MAP3K5: variants seen among roughly 807,000 people sequenced by gnomAD.
The protein encoded by MAP3K5 is mitogen-activated protein kinase kinase kinase 5, also known as ASK-1.
In MAP3K5, 56 loss-of-function variants were observed where a neutral mutation model predicts 158.7. The ratio of observed to expected loss-of-function variants is 0.35; its 90% CI spans 0.28 to 0.44. The LOEUF (loss-of-function observed/expected upper bound fraction) is 0.44. Among genes scored for constraint, MAP3K5 ranks in the 20% least tolerant of loss-of-function variants. MAP3K5 has a pLI of 1.00. For synonymous variants in MAP3K5, 579 were observed against 601.7 expected, an observed-to-expected ratio of 0.96 and a Z score of 0.55; for missense variants, 1,294 against 1,674.8, an observed-to-expected ratio of 0.77 and a Z score of 3.97.
chr6:136,636,769 C>A (rs1777656834), intron 14 of MAP3K5: 1 of 919,796 alleles, frequency 1.1e-6, no homozygotes, highest in Non-Finnish European at 1.3e-6. Flanking sequence ...ATAACGAGAA[C>A]AAGTCTCTAT....
chr6:136,790,237 A>C (rs1220580348), intron 1 of MAP3K5, among the ~76,000 whole-genome samples: 5 of 152,200 alleles, frequency 3.3e-5, no homozygotes, highest in African/African-American at 1.2e-4. Flanking sequence ...CTTGTTAGGA[A>C]AGTTTCTTTC....
At chr6:136,777,909 A>C (rs1003739329) in intron 1 of MAP3K5, among the ~76,000 whole-genome samples, 10 of 152,226 alleles carry the variant, frequency 6.6e-5, no homozygotes, top group Non-Finnish European at 1.5e-4. Context: ...TTTATTATGT[A>C]ACACGGGTGA....
rs1415495772 is a variant in MAP3K5, at chr6:136,637,412, A to G, written c.1935-6T>C. On this transcript the variant is annotated splice_polypyrimidine_tract_variant and splice_region_variant and intron_variant, in intron 13 of 29. Transcript: ENST00000359015. ...TGTTCACCATCTCAAAAAACCTACA[A>G]TACAAGTTAGCACGTGAGCATTCAT... is the stretch of plus-strand genomic sequence containing the variant. The G allele has an allele frequency of 6.5e-7, 1 of 1,530,708 alleles. No homozygotes were observed. Among genetic ancestry groups the G allele is most frequent in the African/African-American group, 1.4e-5 (1 of 73,302 alleles). The allele number at this position is 1,530,708 out of a possible 1,614,324, so 94.8% of individuals were successfully genotyped here. A position where few individuals can be genotyped will look rare whatever the true frequency, so the allele number is the denominator to read the frequency against.
chr6:136,614,343 A>T (rs1776470371), intron 15 of MAP3K5, 57 bp from the exon 16 acceptor site: 6 of 1,571,400 alleles, frequency 3.8e-6, no homozygotes, highest in Non-Finnish European at 4.3e-6. Flanking sequence ...TACTGTATAA[A>T]TTTAAACAAT....
intron 25 of MAP3K5, among the ~76,000 whole-genome samples, chr6:136,574,047 C>T (rs1370455300): frequency 2.6e-5 from 4 of 151,816 alleles, no homozygotes; most frequent in East Asian, 1.9e-4. Context: ...TCTTCTGCTT[C>T]GGCCTCCTGA....
At position 136,728,674 on chromosome 6, in the gene MAP3K5, T is replaced by A. The variant is rs79725586; in HGVS notation, c.449-8085A>T. Among the ~76,000 whole-genome samples, 764 of 152,356 alleles carry A rather than the reference T, an allele frequency of 5.0e-3. 3 individuals are homozygous for A. Among genetic ancestry groups the A allele is most frequent in the Middle Eastern group, 0.024 (7 of 294 alleles). On this transcript the variant is annotated intron_variant, in intron 1 of 29. Coordinates refer to ENST00000359015, the MANE Select transcript of MAP3K5 (RefSeq NM_005923.4). Reference sequence around the variant, plus strand: ...CCTCATCACTAAACTCTAATAAATGTATGCATGGTGATTCAAACATAAATC... The same window carrying A: ...CCTCATCACTAAACTCTAATAAATGAATGCATGGTGATTCAAACATAAATC...
chr6:136,611,177 A>T, intron 18 of MAP3K5, 105 bp downstream of exon 18: 1 of 585,736 alleles, frequency 1.7e-6, no homozygotes, highest in South Asian at 2.5e-5. Flanking sequence ...TACCAACATT[A>T]CTGTGTGTGA....
chr6:136,655,977 G>A (rs1211303502), intron 10 of MAP3K5, among the ~76,000 whole-genome samples: 1 of 152,104 alleles, frequency 6.6e-6, no homozygotes, highest in Admixed American at 6.5e-5. Flanking sequence ...CAACGTGACT[G>A]CAGTATTAAG....
intron 19 of MAP3K5, among the ~76,000 whole-genome samples, chr6:136,602,954 C>G (rs891092806): frequency 6.6e-6 from 1 of 151,932 alleles, no homozygotes; most frequent in Admixed American, 6.6e-5. Context: ...CTTATTACTG[C>G]TATTCTAAAA....
intron 1 of MAP3K5, among the ~76,000 whole-genome samples, chr6:136,734,421 G>GAA (rs1016817563): frequency 0.074 from 4,006 of 54,376 alleles, 250 homozygotes; most frequent in African/African-American, 0.16. Context: ...CTCTGTCTCG[G>GAA]AAAAAAAAAA....
At chr6:136,714,155 GT>G (rs959327279) in intron 2 of MAP3K5, among the ~76,000 whole-genome samples, 12 of 152,120 alleles carry the variant, frequency 7.9e-5, no homozygotes, top group African/African-American at 2.9e-4. Context: ...ACTGTTTTTT[GT>G]TTGTAAAAAC....
chr6:136,557,757 G>C lies in MAP3K5; in HGVS notation c.*1C>G. 6.2e-7 allele frequency: 1 copy of C among 1,607,876 alleles called. No homozygotes were observed. The highest frequency in any genetic ancestry group is 2.2e-5 in the East Asian group (1 of 44,830). On this transcript the variant is annotated 3_prime_UTR_variant, in exon 30 of 30. Transcript: ENST00000359015. The stretch of plus-strand genomic sequence containing the variant: ...CCATCGAAGATTAGATTGAGCAACA[G>C]TCAAGTCTGTTTGTTTCGAAAGTCA...
intron 19 of MAP3K5, among the ~76,000 whole-genome samples, chr6:136,603,514 G>A (rs933773899): frequency 6.6e-6 from 1 of 151,872 alleles, no homozygotes; most frequent in Admixed American, 6.6e-5. Flanking sequence ...TATAGATGAG[G>A]AAACTGAGGC....
intron 8 of MAP3K5, among the ~76,000 whole-genome samples, chr6:136,659,847 C>T (rs1778928463): frequency 6.6e-6 from 1 of 152,174 alleles, no homozygotes; most frequent in African/African-American, 2.4e-5. Context: ...GAAGCGTGCA[C>T]TTCAAATGGA....
At chr6:136,571,101 C>G (rs771270087) in intron 25 of MAP3K5, among the ~76,000 whole-genome samples, 1 of 152,076 alleles carries the variant, frequency 6.6e-6, no homozygotes. Context: ...GTGCTTTTTC[C>G]AAGACCTCCC....
chr6:136,789,196 G>A (rs1489219395), intron 1 of MAP3K5, among the ~76,000 whole-genome samples: 2 of 152,172 alleles, frequency 1.3e-5, no homozygotes, highest in East Asian at 3.9e-4. Context: ...TGTAGTCCCA[G>A]CTACTCGGGA....
rs913739941 is a variant in MAP3K5 at position 136,591,309 on chromosome 6, G to A, written c.3225+864C>T. ...ACGTTAGGTTCATTTGTGTGTCTACGTGGTCTCAGTGTGGGTGTGTGTGTG... is the reference window on the plus strand; with the variant it reads ...ACGTTAGGTTCATTTGTGTGTCTACATGGTCTCAGTGTGGGTGTGTGTGTG... On this transcript the variant is annotated intron_variant, in intron 23 of 29. Coordinates refer to ENST00000359015, the MANE Select transcript of MAP3K5 (RefSeq NM_005923.4). Among the ~76,000 whole-genome samples, 12 of 152,202 alleles carry A rather than the reference G, an allele frequency of 7.9e-5. No individual in the cohort carries two copies. The East Asian group carries it at 9.6e-4, about 12-fold the overall frequency.
intron 29 of MAP3K5, 55 bp downstream of exon 29, chr6:136,558,745 T>C: frequency 8.6e-7 from 1 of 1,162,456 alleles, no homozygotes; most frequent in Non-Finnish European, 1.3e-6. Flanking sequence ...TACTCAGACT[T>C]TTTGATATTT....
intron 7 of MAP3K5, among the ~76,000 whole-genome samples, chr6:136,680,635 G>A (rs1415862329): frequency 6.6e-6 from 1 of 152,200 alleles, no homozygotes; most frequent in African/African-American, 2.4e-5. Flanking sequence ...ACATTCTCAA[G>A]AGCAGTGTAG....
Sources: gnomAD v4.1 joint callset for allele counts (sites outside exome capture counted in the v4.1 genomes callset) on GRCh38, gnomAD v4.1.1 for gene constraint, MANE v1.5 for transcripts, NCBI Gene and HGNC (gene_info 2026-07-23, HGNC 2026-07-21) for gene names.